Variants in NXPE2 observed in about 807,000 individuals in gnomAD.
The protein encoded by NXPE2 is neurexophilin and PC-esterase domain family member 2.
NXPE2 carries 34 observed loss-of-function variants against 34.4 expected under a neutral mutation model. That is an observed-to-expected ratio of 0.99 (90% CI 0.75 to 1.31). The LOEUF (loss-of-function observed/expected upper bound fraction) is 1.31, where lower values mean the gene tolerates loss of function less well. Among genes scored for constraint, NXPE2 ranks in the 40% most tolerant of loss-of-function variants. The pLI, the probability that NXPE2 is intolerant of heterozygous loss-of-function variation, is 0.00. For missense variants in NXPE2, 649 were observed against 672.5 expected (o/e 0.97, Z 0.39); for synonymous variants, 235 against 231.3 (o/e 1.02, Z -0.15).
the NXPE2 span, among the ~76,000 whole-genome samples, chr11:114,662,501 A>G: frequency 6.6e-6 from 1 of 152,284 alleles, no homozygotes; most frequent in East Asian, 1.9e-4. Flanking sequence ...AGCTGCTACT[A>G]GTGCTGAACT....
upstream of NXPE2, among the ~76,000 whole-genome samples, chr11:114,675,893 A>G (rs1415380782): frequency 6.6e-6 from 1 of 152,018 alleles, no homozygotes; most frequent in Non-Finnish European, 1.5e-5. Flanking sequence ...ATGGGCATAA[A>G]AACAGACACA....
intron 5 of NXPE2, among the ~76,000 whole-genome samples, 158 bp from the exon 6 acceptor site, chr11:114,706,237 G>A (rs1314921945): frequency 6.6e-6 from 1 of 151,856 alleles, no homozygotes; most frequent in East Asian, 1.9e-4. Flanking sequence ...TCAATATTTT[G>A]TTAAGATTGT....
At chr11:114,662,378 G>A in the NXPE2 span, among the ~76,000 whole-genome samples, 21,301 of 152,138 alleles carry the variant, frequency 0.14, 1,909 homozygotes, top group South Asian at 0.2. Flanking sequence ...TTACCCATCC[G>A]GGTTGTTGGA....
At position 114,698,838 on chromosome 11, in the gene NXPE2, A is replaced by G. The variant is rs567881603; in HGVS notation, c.866+60A>G. The G allele has an allele frequency of 6.9e-5, 98 of 1,424,220 alleles. 1 individual carries two copies. In the East Asian group the frequency reaches 2.3e-3, roughly 34 times the overall value. 88.2% of individuals were successfully genotyped at this position (1,424,220 alleles called of 1,614,324 possible). ...AGAGGTATCCGACCAAACTCTGCCT[A>G]GTAGTTTTGCCTAATCAAACTTTTG... On this transcript the variant is annotated intron_variant, in intron 3 of 5. Transcript: ENST00000389586.
the NXPE2 span, among the ~76,000 whole-genome samples, chr11:114,752,095 G>A: frequency 2.0e-5 from 3 of 152,180 alleles, no homozygotes; most frequent in African/African-American, 7.2e-5. Context: ...GTGTTAATTT[G>A]TTACAAGAAC....
chr11:114,648,933 G>A, the NXPE2 span, among the ~76,000 whole-genome samples: 1 of 107,050 alleles, frequency 9.3e-6, no homozygotes, highest in Non-Finnish European at 2.0e-5. Context: ...TATATGATAA[G>A]GGGATAAGAG....
At chr11:114,608,310 G>A in the NXPE2 span, among the ~76,000 whole-genome samples, 4 of 151,714 alleles carry the variant, frequency 2.6e-5, no homozygotes, top group African/African-American at 7.3e-5. Flanking sequence ...TTGCATCATG[G>A]GTAACCAGTG....
At chr11:114,785,438 A>G in the NXPE2 span, among the ~76,000 whole-genome samples, 138 of 152,314 alleles carry the variant, frequency 9.1e-4, 1 homozygote, top group South Asian at 8.3e-3. Context: ...AATCTGAATA[A>G]TAATAATGGG....
Position 114,679,757 on chromosome 11 carries a change from A to C in NXPE2, c.127A>C (p.Thr43Pro), listed in dbSNP as rs1032300193. ...CATTTACTTGGCTTCAAAAGACCAC[A>C]CAAAGGTAGGAAGTTTCATTTTTAA... ...WIIYLASKDH[T>P]KFSFNLENHI... Residue 43 changes from threonine (T) to proline (P), a missense_variant, in exon 2 of 6, where the codon ACA becomes CCA. Coordinates refer to ENST00000389586, the MANE Select transcript of NXPE2 (RefSeq NM_182495.6). 1.3e-6 allele frequency: 2 copies of C among 1,538,890 alleles called. No individual in the cohort carries two copies. Among genetic ancestry groups the C allele is most frequent in the Admixed American group, 3.9e-5 (2 of 50,884 alleles).
At chr11:114,479,699 T>A in the NXPE2 span, among the ~76,000 whole-genome samples, 2 of 152,116 alleles carry the variant, frequency 1.3e-5, no homozygotes, top group African/African-American at 4.8e-5. Flanking sequence ...GGCTGGAGTT[T>A]GCATGTAGAT....
At chr11:114,500,096 C>A in the NXPE2 span, among the ~76,000 whole-genome samples, 1 of 151,628 alleles carries the variant, frequency 6.6e-6, no homozygotes, top group Non-Finnish European at 1.5e-5. Flanking sequence ...CTTTAAAAAT[C>A]TTTCTGTGGA....
chr11:114,680,942 C>T (rs554339490), intron 2 of NXPE2, among the ~76,000 whole-genome samples: 10 of 152,226 alleles, frequency 6.6e-5, no homozygotes, highest in African/African-American at 2.4e-4. Flanking sequence ...ACCATCATCC[C>T]CTAACAAAAA....
the NXPE2 span, among the ~76,000 whole-genome samples, chr11:114,605,370 A>T: frequency 1.2e-3 from 186 of 152,084 alleles, 2 homozygotes; most frequent in Admixed American, 5.6e-3. Flanking sequence ...CCTGCTGCAT[A>T]ATAAGTATTG....
At chr11:114,480,898 G>A in the NXPE2 span, among the ~76,000 whole-genome samples, 1 of 152,124 alleles carries the variant, frequency 6.6e-6, no homozygotes, top group African/African-American at 2.4e-5. Context: ...AACAAGGGAA[G>A]GCAGTATTTG....
chr11:114,521,185 G>C, the NXPE2 span, among the ~76,000 whole-genome samples: 1 of 152,144 alleles, frequency 6.6e-6, no homozygotes, highest in Non-Finnish European at 1.5e-5. Context: ...GAGGATAAAT[G>C]TTCATATATT....
intron 4 of NXPE2, among the ~76,000 whole-genome samples, chr11:114,704,983 A>G (rs1951444501): frequency 6.6e-6 from 1 of 152,190 alleles, no homozygotes; most frequent in African/African-American, 2.4e-5. Context: ...CCACTTACAA[A>G]TCTGATGTTA....
chr11:114,477,070 A>G, the NXPE2 span, among the ~76,000 whole-genome samples: 1 of 152,192 alleles, frequency 6.6e-6, no homozygotes, highest in East Asian at 1.9e-4. Context: ...ATGTCCTTCC[A>G]CAGGTGATTA....
the NXPE2 span, among the ~76,000 whole-genome samples, chr11:114,574,141 ATTAAAAAATT>A: frequency 6.6e-6 from 1 of 152,178 alleles, no homozygotes; most frequent in Admixed American, 6.5e-5. Context: ...CAAGATGGAA[ATTAAAAAATT>A]CTTTGAACTG....
At chr11:114,482,856 G>A in the NXPE2 span, among the ~76,000 whole-genome samples, 4 of 152,152 alleles carry the variant, frequency 2.6e-5, no homozygotes, top group East Asian at 1.9e-4. Context: ...AGAGATCTGC[G>A]AATGTACAAT....
Sources: allele counts gnomAD v4.1 joint callset (sites outside exome capture counted in the v4.1 genomes callset), GRCh38; gene constraint gnomAD v4.1.1; transcripts MANE v1.5; gene names NCBI Gene and HGNC (gene_info 2026-07-23, HGNC 2026-07-21).